The following DAAM1 variants were observed in gnomAD, a reference collection of about 807,000 sequenced individuals.
The protein encoded by DAAM1 is dishevelled associated activator of morphogenesis 1.
Under a neutral mutation model 130.0 loss-of-function variants are expected in DAAM1, and 52 were observed. That is an observed-to-expected ratio of 0.40 (90% CI 0.32 to 0.50). The LOEUF (loss-of-function observed/expected upper bound fraction) is 0.50. DAAM1 is among the 20% of genes least tolerant of loss of function. The pLI, the probability that DAAM1 is intolerant of heterozygous loss-of-function variation, is 0.61. For synonymous variants in DAAM1, 452 were observed against 444.5 expected, an observed-to-expected ratio of 1.02 and a Z score of -0.21; for missense variants, 1,134 against 1,303.8, an observed-to-expected ratio of 0.87 and a Z score of 2.01.
intron 1 of DAAM1, among the ~76,000 whole-genome samples, chr14:59,233,675 A>G (rs1374395584): frequency 6.6e-6 from 1 of 152,076 alleles, no homozygotes; most frequent in East Asian, 1.9e-4. Context: ...TTTTGTTGCA[A>G]TTGCTTTTGG....
At chr14:59,196,821 C>G (rs1035376807) in intron 1 of DAAM1, among the ~76,000 whole-genome samples, 1 of 152,182 alleles carries the variant, frequency 6.6e-6, no homozygotes, top group Non-Finnish European at 1.5e-5. Context: ...AATGAAACAG[C>G]TTAAACTGAA....
chr14:59,228,437 G>A (rs1010915336), intron 1 of DAAM1, among the ~76,000 whole-genome samples: 3 of 152,174 alleles, frequency 2.0e-5, no homozygotes, highest in African/African-American at 7.2e-5. Flanking sequence ...AAAGGAAGGG[G>A]AAATTGTATT....
At chr14:59,324,516 C>T in intron 8 of DAAM1, 62 bp downstream of exon 8, 1 of 1,082,242 alleles carries the variant, frequency 9.2e-7, no homozygotes, top group Non-Finnish European at 1.3e-6. Flanking sequence ...AATGCAATAC[C>T]TCATCAAGTG....
chr14:59,266,646 G>C (rs961172387), intron 2 of DAAM1, among the ~76,000 whole-genome samples: 1 of 152,182 alleles, frequency 6.6e-6, no homozygotes, highest in Admixed American at 6.5e-5. Context: ...GTCTACTCTT[G>C]ACTTCAGGGA....
chr14:59,355,198 G>A lies in DAAM1; in HGVS notation c.2390G>A (p.Ser797Asn), dbSNP rs140363428. Reference protein sequence around the residue: ...IRSGSEEVFRSGALKQLLEVV... With the variant: ...IRSGSEEVFRNGALKQLLEVV... ...TCTGGCTCAGAAGAGGTGTTTAGGAGTGGTGCCCTCAAGCAGTTGCTGGAG... is the reference window on the plus strand; with the variant it reads ...TCTGGCTCAGAAGAGGTGTTTAGGAATGGTGCCCTCAAGCAGTTGCTGGAG... The change falls in exon 20 of 25, where the codon AGT becomes AAT. Residue 797 changes from serine (S) to asparagine (N), a missense_variant. Physicochemically the swap from Ser to Asn is conservative, Grantham distance 46. Coordinates refer to ENST00000360909, the MANE Select transcript of DAAM1 (RefSeq NM_001270520.2). The A allele has an allele frequency of 2.2e-4, 351 of 1,614,184 alleles. No individual in the cohort carries two copies. The East Asian group carries it at 6.1e-3, about 28-fold the overall frequency.
intron 20 of DAAM1, among the ~76,000 whole-genome samples, chr14:59,356,175 A>G (rs1399458929): frequency 6.6e-6 from 1 of 152,188 alleles, no homozygotes; most frequent in Admixed American, 6.5e-5. Flanking sequence ...GCTTCTTCAT[A>G]CCCAAATTCT....
chr14:59,282,396 A>G (rs547947993), intron 2 of DAAM1, among the ~76,000 whole-genome samples: 1 of 152,306 alleles, frequency 6.6e-6, no homozygotes, highest in Non-Finnish European at 1.5e-5. Flanking sequence ...TCAGGAATAT[A>G]TGACTATTCT....
At chr14:59,315,404 C>A in intron 4 of DAAM1, 53 bp downstream of exon 4, 2 of 1,503,266 alleles carry the variant, frequency 1.3e-6, no homozygotes, top group Non-Finnish European at 1.8e-6. Flanking sequence ...AAGTGTAGTA[C>A]AAAGTACACA....
At position 59,230,991 on chromosome 14, in the gene DAAM1, T is replaced by C. The variant is rs185153612; in HGVS notation, c.-37-32450T>C. Among the ~76,000 whole-genome samples, 20 of 152,326 alleles carry C rather than the reference T, an allele frequency of 1.3e-4. No individual in the cohort carries two copies. In the East Asian group the frequency reaches 3.7e-3, roughly 28 times the overall value. ...TGAACAACTGTGCACTTGCTGTCAA[T>C]GTCTTATGCTGCTTAAAATTATGTA... On this transcript the variant is annotated intron_variant, in intron 1 of 24. Transcript: ENST00000360909.
chr14:59,224,462 T>C (rs1039324698), intron 1 of DAAM1, among the ~76,000 whole-genome samples: 1 of 152,242 alleles, frequency 6.6e-6, no homozygotes, highest in African/African-American at 2.4e-5. Context: ...GCAGTTCTAA[T>C]GTCCATTTGG....
intron 2 of DAAM1, among the ~76,000 whole-genome samples, chr14:59,283,094 T>C (rs1255448400): frequency 6.6e-6 from 1 of 152,180 alleles, no homozygotes; most frequent in Non-Finnish European, 1.5e-5. Flanking sequence ...TTCTAGGTTT[T>C]AGGAATCACA....
At chr14:59,296,475 A>C (rs886301057) in intron 3 of DAAM1, among the ~76,000 whole-genome samples, 14 of 152,190 alleles carry the variant, frequency 9.2e-5, no homozygotes, top group Admixed American at 2.6e-4. Context: ...TGAGGATTAA[A>C]AAAATAAGCC....
intron 1 of DAAM1, among the ~76,000 whole-genome samples, chr14:59,228,683 T>C (rs1346259510): frequency 6.6e-6 from 1 of 152,196 alleles, no homozygotes; most frequent in Non-Finnish European, 1.5e-5. Context: ...CTTGATGGCT[T>C]TTTCTTATTC....
At chr14:59,252,534 GA>G (rs1283210011) in intron 1 of DAAM1, among the ~76,000 whole-genome samples, 1 of 152,120 alleles carries the variant, frequency 6.6e-6, no homozygotes, top group Non-Finnish European at 1.5e-5. Flanking sequence ...CAGATAAGCT[GA>G]CCAACCTGCA....
intron 3 of DAAM1, among the ~76,000 whole-genome samples, chr14:59,293,389 A>G (rs1242626565): frequency 2.6e-5 from 4 of 152,176 alleles, no homozygotes; most frequent in African/African-American, 9.7e-5. Flanking sequence ...TTCCACACCT[A>G]TCGAATCCCC....
At chr14:59,238,748 A>G (rs117122880) in intron 1 of DAAM1, among the ~76,000 whole-genome samples, 1 of 152,252 alleles carries the variant, frequency 6.6e-6, no homozygotes, top group Non-Finnish European at 1.5e-5. Context: ...CTATAATATT[A>G]CTTCTGAATA....
Position 59,221,347 on chromosome 14 carries a change from C to T in DAAM1, c.-38+32579C>T, listed in dbSNP as rs553007077. ...TAATATATGTTTATATACACACAAA[C>T]GTATTCATAACAAAATAGGGAGGAA... On this transcript the variant is annotated intron_variant, in intron 1 of 24. Transcript: ENST00000360909. Among the ~76,000 whole-genome samples, 19 of 152,278 alleles carry T rather than the reference C, an allele frequency of 1.2e-4. No individual in the cohort carries two copies. In the East Asian group the frequency reaches 3.3e-3, roughly 26 times the overall value.
intron 20 of DAAM1, 34 bp from the exon 21 acceptor site, chr14:59,359,363 G>T: frequency 6.9e-7 from 1 of 1,449,564 alleles, no homozygotes; most frequent in Non-Finnish European, 9.6e-7. Context: ...AAAATAATTT[G>T]AATGTTTAAT....
intron 3 of DAAM1, among the ~76,000 whole-genome samples, chr14:59,302,573 G>A (rs1223977925): frequency 5.9e-5 from 9 of 152,166 alleles, no homozygotes; most frequent in Non-Finnish European, 5.9e-5. Flanking sequence ...TGGAACATAA[G>A]CTCTGAATGG....
Sources: gnomAD v4.1 joint callset for allele counts (sites outside exome capture counted in the v4.1 genomes callset) on GRCh38, gnomAD v4.1.1 for gene constraint, MANE v1.5 for transcripts, NCBI Gene and HGNC (gene_info 2026-07-23, HGNC 2026-07-21) for gene names.